CENPP: variants seen among roughly 807,000 people sequenced by gnomAD.
CENPP encodes the protein centromere protein P.
Under a neutral mutation model 35.6 loss-of-function variants are expected in CENPP, and 24 were observed. That is an observed-to-expected ratio of 0.67 (90% CI 0.49 to 0.95). The LOEUF (loss-of-function observed/expected upper bound fraction) is 0.95, where lower values mean the gene tolerates loss of function less well. CENPP is among the 40% of genes least tolerant of loss of function. CENPP has a pLI of 0.00. For missense variants in CENPP, 332 were observed against 345.3 expected (o/e 0.96, Z 0.31); for synonymous variants, 120 against 125.5 (o/e 0.96, Z 0.29).
intron 5 of CENPP, among the ~76,000 whole-genome samples, chr9:92,485,612 G>A (rs1399933573): frequency 1.3e-5 from 2 of 152,158 alleles, no homozygotes; most frequent in Admixed American, 6.5e-5. Context: ...TCTAGACATG[G>A]ACAACAGTGG....
At chr9:92,331,018 A>T (rs1285203146) in intron 1 of CENPP, among the ~76,000 whole-genome samples, 1 of 152,112 alleles carries the variant, frequency 6.6e-6, no homozygotes, top group Non-Finnish European at 1.5e-5. Flanking sequence ...TTTCTCAAGG[A>T]AAATATATTT....
intron 5 of CENPP, among the ~76,000 whole-genome samples, chr9:92,474,042 G>A (rs1000548718): frequency 2.6e-5 from 4 of 152,186 alleles, no homozygotes; most frequent in African/African-American, 9.7e-5. Context: ...GTCCTTGAAC[G>A]GGACATGGCT....
At chr9:92,369,693 A>T (rs1174136794) in intron 4 of CENPP, among the ~76,000 whole-genome samples, 1 of 152,178 alleles carries the variant, frequency 6.6e-6, no homozygotes, top group Non-Finnish European at 1.5e-5. Context: ...TTTGTCCCGC[A>T]ACTTAACTAA....
At chr9:92,457,098 A>G in intron 5 of CENPP, 1 of 1,381,174 alleles carries the variant, frequency 7.2e-7, no homozygotes, top group Non-Finnish European at 9.3e-7. Context: ...GTTTCTCTCA[A>G]CCCTTATGTA....
At chr9:92,351,670 G>A (rs538774615) in intron 4 of CENPP, among the ~76,000 whole-genome samples, 7 of 151,934 alleles carry the variant, frequency 4.6e-5, no homozygotes, top group African/African-American at 1.2e-4. Flanking sequence ...TCGCTCTGTC[G>A]CCCAGGCAGG....
intron 5 of CENPP, among the ~76,000 whole-genome samples, chr9:92,454,606 GTTTTC>G (rs1223331458): frequency 1.2e-4 from 18 of 152,070 alleles, no homozygotes; most frequent in Middle Eastern, 3.4e-3. Context: ...TTATAGTATT[GTTTTC>G]TTTTATCTTT....
chr9:92,365,130 G>A (rs1220457066), intron 4 of CENPP, among the ~76,000 whole-genome samples: 2 of 152,148 alleles, frequency 1.3e-5, no homozygotes, highest in Non-Finnish European at 2.9e-5. Flanking sequence ...TTATTTTCTA[G>A]TAGGGGAAAC....
At chr9:92,522,743 A>C in intron 5 of CENPP, 1 of 1,614,178 alleles carries the variant, frequency 6.2e-7, no homozygotes. Context: ...TGTGAGGTTG[A>C]ACTTTTCCTC....
In CENPP at chr9:92,618,418, C is replaced by G; in HGVS notation, c.*5269C>G. 1 of 456,696 alleles carries G rather than the reference C, an allele frequency of 2.2e-6. No individual in the cohort carries two copies. The highest frequency in any genetic ancestry group is 1.5e-5 in the South Asian group (1 of 64,572). The allele number at this position is 456,696 out of a possible 1,614,324, so 28.3% of individuals were successfully genotyped here. The stretch of plus-strand genomic sequence containing the variant: ...CACTGACCAGGCACTAAGAGATTCC[C>G]AGGTGCTAGACGAGGTGAGTAACAT... On this transcript the variant is annotated 3_prime_UTR_variant, in exon 8 of 8. Transcript: ENST00000375587.
intron 5 of CENPP, chr9:92,416,698 A>C (rs959029259): frequency 1.2e-5 from 19 of 1,613,612 alleles, no homozygotes; most frequent in Non-Finnish European, 1.6e-5. Context: ...TGTTGTGTCC[A>C]ACACTGAGTT....
chr9:92,543,057 A>G (rs1849350512), intron 5 of CENPP, among the ~76,000 whole-genome samples: 1 of 152,104 alleles, frequency 6.6e-6, no homozygotes, highest in Non-Finnish European at 1.5e-5. Flanking sequence ...TTGGCTCTCT[A>G]TTCTGTTCCA....
At position 92,351,228 on chromosome 9, in the gene CENPP, C is replaced by T. The variant is rs972394524; in HGVS notation, c.467+5441C>T. Among the ~76,000 whole-genome samples, 197 of 152,268 alleles carry T rather than the reference C, an allele frequency of 1.3e-3. 2 individuals carry two copies. Among genetic ancestry groups the T allele is most frequent in the African/African-American group, 4.5e-3 (186 of 41,554 alleles). On this transcript the variant is annotated intron_variant, in intron 4 of 7. Coordinates refer to ENST00000375587, the MANE Select transcript of CENPP (RefSeq NM_001012267.3). Reference sequence around the variant, plus strand: ...AACTTTGGCCAGGTGTGGTGGCTCACGCCTATAATCCCAGCACTTTGGGAG... The same window carrying T: ...AACTTTGGCCAGGTGTGGTGGCTCATGCCTATAATCCCAGCACTTTGGGAG...
chr9:92,532,029 AT>A (rs201461115), intron 5 of CENPP, among the ~76,000 whole-genome samples: 1 of 91,050 alleles, frequency 1.1e-5, no homozygotes, highest in African/African-American at 5.0e-5. Flanking sequence ...TTTTTTTTTT[AT>A]TTTATTTTTT....
rs74469944 is a variant in CENPP at position 92,332,180 on chromosome 9, C to T, written c.118C>T (p.Gln40Ter). 8.9e-6 allele frequency: 14 copies of T among 1,579,252 alleles called. No homozygotes were observed. Among genetic ancestry groups the T allele is most frequent in the Non-Finnish European group, 1.2e-5 (14 of 1,166,820 alleles). Residue 40 changes from glutamine to a stop codon, truncating the protein, a stop_gained, in exon 2 of 8, where the codon CAA becomes TAA. Transcript: ENST00000375587. LOFTEE classifies it high-confidence loss of function. The part of the protein sequence containing the change: ...EEKSRVQKSF[Q>*]AIHQFNLEGW... ...ATATTTGCCTTTTAGAAAATCTTTT[C>T]AAGCCATACACCAATTCAATTTGGA...
intron 5 of CENPP, among the ~76,000 whole-genome samples, chr9:92,526,605 A>G (rs1290164933): frequency 6.6e-6 from 1 of 151,974 alleles, no homozygotes; most frequent in Non-Finnish European, 1.5e-5. Context: ...AAAAAACTAT[A>G]GAAAAGAGGA....
Position 92,516,901 on chromosome 9 carries a change from G to A in CENPP, c.565-94413G>A, listed in dbSNP as rs1847761719. 2.0e-5 allele frequency: 3 copies of A among 152,348 alleles called. No homozygotes were observed. In the South Asian group the frequency reaches 6.2e-4, roughly 32 times the overall value. 9.4% of individuals were successfully genotyped at this position (152,348 alleles called of 1,614,324 possible). On this transcript the variant is annotated intron_variant, in intron 5 of 7. Coordinates refer to ENST00000375587, the MANE Select transcript of CENPP (RefSeq NM_001012267.3). The stretch of plus-strand genomic sequence containing the variant: ...CTACCCTGTGATCATCTGTGTGCAT[G>A]GGAGCAATCTACCTTGGTTATAGAC...
intron 5 of CENPP, among the ~76,000 whole-genome samples, chr9:92,606,152 C>A (rs1462159995): frequency 6.6e-6 from 1 of 152,024 alleles, no homozygotes; most frequent in South Asian, 2.1e-4. Flanking sequence ...GTCCCAGCTA[C>A]TTGGGAGGCT....
chr9:92,454,286 A>G (rs1844806487), intron 5 of CENPP, among the ~76,000 whole-genome samples: 1 of 152,178 alleles, frequency 6.6e-6, no homozygotes, highest in African/African-American at 2.4e-5. Context: ...GGATTTCAAG[A>G]ATCATTTCCA....
At chr9:92,444,546 C>T (rs1315149714) in intron 5 of CENPP, among the ~76,000 whole-genome samples, 4 of 151,770 alleles carry the variant, frequency 2.6e-5, no homozygotes. Context: ...GGTGTCACAT[C>T]TAAGAAATCA....
Sources: gnomAD v4.1 joint callset for allele counts (sites outside exome capture counted in the v4.1 genomes callset) on GRCh38, gnomAD v4.1.1 for gene constraint, MANE v1.5 for transcripts, NCBI Gene and HGNC (gene_info 2026-07-23, HGNC 2026-07-21) for gene names.